RPS6KA2: variants seen among roughly 807,000 people sequenced by gnomAD.
The protein encoded by RPS6KA2 is ribosomal protein S6 kinase alpha-2.
Under a neutral mutation model 91.8 loss-of-function variants are expected in RPS6KA2, and 42 were observed. The ratio of observed to expected loss-of-function variants is 0.46; its 90% CI spans 0.36 to 0.59. RPS6KA2 has a LOEUF of 0.59. RPS6KA2 is among the 20% of genes least tolerant of loss of function. The probability of loss-of-function intolerance (pLI) is 0.00; values close to 1 mark genes in which losing one functional copy is unlikely to be tolerated. For synonymous variants in RPS6KA2, 414 were observed against 393.6 expected (o/e 1.05, Z -0.61); for missense variants, 798 against 978.5 (o/e 0.82, Z 2.46).
rs2128433848 is a variant in RPS6KA2, at chr6:166,412,288, CG to C, written c.*473del. The C allele has an allele frequency of 6.5e-6, 1 of 153,382 alleles. No homozygotes were observed. 9.5% of individuals were successfully genotyped at this position (153,382 alleles called of 1,614,324 possible). ...CCGTCATCCAGCCCGTGGGGAGCCC[CG>C]GGATGCCAGGTCACCCCAGCCCTCT... On this transcript the variant is annotated 3_prime_UTR_variant, in exon 21 of 21. Coordinates refer to ENST00000265678, the MANE Select transcript of RPS6KA2 (RefSeq NM_021135.6). The surrounding 1 kb of genome is among the most constrained non-coding windows in gnomAD (Gnocchi z 4.3).
intron 2 of RPS6KA2, among the ~76,000 whole-genome samples, chr6:166,764,908 G>A (rs1228247549): frequency 3.3e-5 from 5 of 152,334 alleles, no homozygotes; most frequent in South Asian, 2.1e-4. Context: ...ATGCAGGAAC[G>A]ACAAAGCACT....
At chr6:166,429,286 T>G (rs1377843498) in intron 16 of RPS6KA2, among the ~76,000 whole-genome samples, 6 of 63,162 alleles carry the variant, frequency 9.5e-5, no homozygotes, top group Non-Finnish European at 1.7e-4. Flanking sequence ...GGGACTGTTG[T>G]GGGGTGGGGG....
intron 2 of RPS6KA2, among the ~76,000 whole-genome samples, chr6:166,812,315 T>C (rs4710110): frequency 0.22 from 34,128 of 151,920 alleles, 4,909 homozygotes; most frequent in African/African-American, 0.41. Context: ...AAGATCGTGC[T>C]GCTGCACCCT....
intron 3 of RPS6KA2, among the ~76,000 whole-genome samples, chr6:166,515,132 T>C (rs1782603469): frequency 6.6e-6 from 1 of 152,166 alleles, no homozygotes. Flanking sequence ...GGAGAGAGGA[T>C]GCACCATGAT....
chr6:166,607,002 T>G (rs1164952119), intron 1 of RPS6KA2, among the ~76,000 whole-genome samples: 1 of 151,980 alleles, frequency 6.6e-6, no homozygotes, highest in Non-Finnish European at 1.5e-5. Context: ...AGTAGCTGGG[T>G]GTGCTGGCAG....
chr6:166,450,105 A>T (rs1489824177), intron 13 of RPS6KA2, among the ~76,000 whole-genome samples: 1 of 136,558 alleles, frequency 7.3e-6, no homozygotes, highest in Non-Finnish European at 1.6e-5. Context: ...CACCATGGGG[A>T]CCAACATGGA....
chr6:166,847,858 G>A (rs912563166), intron 2 of RPS6KA2, among the ~76,000 whole-genome samples: 1 of 152,090 alleles, frequency 6.6e-6, no homozygotes, highest in Admixed American at 6.6e-5. Context: ...TAGATAAAGA[G>A]TTCATGACCA....
chr6:166,696,632 T>C (rs550971492), intron 2 of RPS6KA2, among the ~76,000 whole-genome samples: 4 of 152,304 alleles, frequency 2.6e-5, no homozygotes, highest in Admixed American at 1.3e-4. Flanking sequence ...GTCAGGGTTA[T>C]TATGAATGTG....
intron 2 of RPS6KA2, among the ~76,000 whole-genome samples, chr6:166,535,961 G>T (rs1469724077): frequency 2.0e-5 from 3 of 152,248 alleles, no homozygotes; most frequent in African/African-American, 7.2e-5. Flanking sequence ...CAGGTGAAGA[G>T]CAGCGGCTTC....
intron 2 of RPS6KA2, among the ~76,000 whole-genome samples, chr6:166,805,869 A>G (rs1189677379): frequency 6.7e-6 from 1 of 148,982 alleles, no homozygotes; most frequent in Non-Finnish European, 1.5e-5. Flanking sequence ...AAAGGAAGAC[A>G]TGGAAGAGCT....
chr6:166,837,911 A>G (rs1344405061), intron 2 of RPS6KA2, among the ~76,000 whole-genome samples: 1 of 152,270 alleles, frequency 6.6e-6, no homozygotes, highest in Non-Finnish European at 1.5e-5. Context: ...CTACGGAATG[A>G]AAATAAAGCT....
chr6:166,705,848 T>C (rs76611813), intron 2 of RPS6KA2, among the ~76,000 whole-genome samples: 1,616 of 152,310 alleles, frequency 0.011, 27 homozygotes, highest in African/African-American at 0.036. Flanking sequence ...CTAACTCTTA[T>C]GTTGAAATCT....
At chr6:166,641,280 A>C (rs187769458) in intron 2 of RPS6KA2, among the ~76,000 whole-genome samples, 93 of 152,358 alleles carry the variant, frequency 6.1e-4, no homozygotes, top group Non-Finnish European at 1.2e-3. Context: ...AATTTGTATA[A>C]ATAATATAAA....
Position 166,509,456 on chromosome 6 carries a change from C to G in RPS6KA2, c.379+821G>C, listed in dbSNP as rs995828627. The G allele has an allele frequency of 7.1e-5, 12 of 168,936 alleles. No individual in the cohort carries two copies. In the Admixed American group the frequency reaches 7.8e-4, roughly 11 times the overall value. The allele number at this position is 168,936 out of a possible 1,614,324, so 10.5% of individuals were successfully genotyped here. A position where few individuals can be genotyped will look rare whatever the true frequency, so the allele number is the denominator to read the frequency against. On this transcript the variant is annotated intron_variant, in intron 4 of 20. Transcript: ENST00000265678. Reference sequence around the variant, plus strand: ...GGTTTGCAACTGCGCTGCCCACGGCCGAGAAGGAACAGCAGGGTGTGCCCA... The same window carrying G: ...GGTTTGCAACTGCGCTGCCCACGGCGGAGAAGGAACAGCAGGGTGTGCCCA...
intron 2 of RPS6KA2, among the ~76,000 whole-genome samples, chr6:166,791,877 G>C (rs964362718): frequency 1.3e-5 from 2 of 151,654 alleles, no homozygotes; most frequent in African/African-American, 4.9e-5. Context: ...TGTGTAGAGG[G>C]AAATTTATAG....
At chr6:166,641,403 T>C (rs1787427223) in intron 2 of RPS6KA2, among the ~76,000 whole-genome samples, 1 of 151,908 alleles carries the variant, frequency 6.6e-6, no homozygotes, top group Non-Finnish European at 1.5e-5. Context: ...AACTTTAAAA[T>C]TGAAACAGTA....
intron 2 of RPS6KA2, among the ~76,000 whole-genome samples, chr6:166,674,982 TA>T (rs1788577481): frequency 6.6e-6 from 1 of 152,184 alleles, no homozygotes; most frequent in African/African-American, 2.4e-5. Flanking sequence ...AGACAATGTT[TA>T]AACTTCATAT....
intron 2 of RPS6KA2, among the ~76,000 whole-genome samples, chr6:166,837,883 A>G (rs1198407635): frequency 6.6e-6 from 1 of 152,284 alleles, no homozygotes; most frequent in African/African-American, 2.4e-5. Flanking sequence ...TTTTACCAAT[A>G]ATCTATCCAA....
chr6:166,845,512 T>C, intron 2 of RPS6KA2, among the ~76,000 whole-genome samples: 1 of 152,036 alleles, frequency 6.6e-6, no homozygotes, highest in East Asian at 1.9e-4. Context: ...TATCAAGTAC[T>C]CTCTCAGACC....
Sources: allele counts gnomAD v4.1 joint callset (sites outside exome capture counted in the v4.1 genomes callset), GRCh38; gene constraint gnomAD v4.1.1; non-coding constraint Gnocchi (gnomAD v3.1); transcripts MANE v1.5; gene names NCBI Gene and HGNC (gene_info 2026-07-23, HGNC 2026-07-21).